Variants in ZMAT5 observed in about 807,000 individuals in gnomAD.
ZMAT5 encodes zinc finger matrin-type protein 5.
A neutral mutation model predicts 28.0 loss-of-function variants in ZMAT5; 23 were observed. The observed-to-expected ratio is 0.82, with a 90% confidence interval of 0.59 to 1.16. The LOEUF is 1.16. Among genes scored for constraint, ZMAT5 ranks in the 50% most tolerant of loss-of-function variants. The probability of loss-of-function intolerance (pLI) is 0.00; values close to 1 mark genes in which losing one functional copy is unlikely to be tolerated. For synonymous variants in ZMAT5, 76 were observed against 84.1 expected, an observed-to-expected ratio of 0.90 and a Z score of 0.52; for missense variants, 173 against 212.7, an observed-to-expected ratio of 0.81 and a Z score of 1.16.
rs1472432465 is a variant in ZMAT5 at position 29,759,883 on chromosome 22, T to C, written c.-28+6989A>G. 4.0e-5 allele frequency among the ~76,000 whole-genome samples: 6 copies of C among 151,792 alleles called. No individual in the cohort carries two copies. The East Asian group carries it at 9.7e-4, about 25-fold the overall frequency. On this transcript the variant is annotated intron_variant, in intron 1 of 5. Coordinates refer to ENST00000344318, the MANE Select transcript of ZMAT5 (RefSeq NM_001003692.2). ...GAGTTGAAGACCAGCCTGGCCAACA[T>C]GGTGAAACCCTGTCTCTACTAAAAA... is the stretch of plus-strand genomic sequence containing the variant.
chr22:29,732,365 G>C (rs915933027), intron 5 of ZMAT5, among the ~76,000 whole-genome samples: 1 of 152,178 alleles, frequency 6.6e-6, no homozygotes, highest in Admixed American at 6.5e-5. Flanking sequence ...CAGGGTTGTG[G>C]GCAGCCATTG....
At chr22:29,766,619 T>G (rs2068215209) in intron 1 of ZMAT5, among the ~76,000 whole-genome samples, 2 of 152,196 alleles carry the variant, frequency 1.3e-5, no homozygotes, top group South Asian at 4.1e-4. Flanking sequence ...AAACCAGGGT[T>G]GCCCGGTGCG....
chr22:29,735,588 G>A (rs1441794886), intron 5 of ZMAT5, among the ~76,000 whole-genome samples: 2 of 152,378 alleles, frequency 1.3e-5, no homozygotes, highest in East Asian at 3.9e-4. Context: ...TCTAGACACA[G>A]AGCAGGGACC....
At chr22:29,738,116 G>A (rs1175036519) in intron 5 of ZMAT5, among the ~76,000 whole-genome samples, 1 of 152,122 alleles carries the variant, frequency 6.6e-6, no homozygotes, top group Non-Finnish European at 1.5e-5. Flanking sequence ...ACTCCAACAG[G>A]GGCCCAGCTT....
intron 5 of ZMAT5, among the ~76,000 whole-genome samples, chr22:29,732,793 G>C (rs1414787987): frequency 6.7e-6 from 1 of 149,712 alleles, no homozygotes; most frequent in African/African-American, 2.5e-5. Context: ...CCACAGCAGA[G>C]AGTGCCATGC....
chr22:29,755,570 C>T (rs1282816762), intron 1 of ZMAT5, among the ~76,000 whole-genome samples: 2 of 151,938 alleles, frequency 1.3e-5, no homozygotes, highest in Non-Finnish European at 2.9e-5. Context: ...GCTTTCATTC[C>T]CTTATTTAAT....
At chr22:29,759,597 T>C (rs1017220246) in intron 1 of ZMAT5, among the ~76,000 whole-genome samples, 4 of 152,066 alleles carry the variant, frequency 2.6e-5, no homozygotes, top group African/African-American at 9.7e-5. Flanking sequence ...AGACCCCGTC[T>C]CTAAAAAAAA....
chr22:29,759,495 G>A (rs2068134918), intron 1 of ZMAT5, among the ~76,000 whole-genome samples: 1 of 152,128 alleles, frequency 6.6e-6, no homozygotes, highest in Non-Finnish European at 1.5e-5. Flanking sequence ...TCAGCTAAAT[G>A]CAGTGACTCA....
chr22:29,732,408 A>G (rs2147212453), intron 5 of ZMAT5, among the ~76,000 whole-genome samples: 1 of 152,334 alleles, frequency 6.6e-6, no homozygotes, highest in South Asian at 2.1e-4. Flanking sequence ...CAATGGAAGT[A>G]GCCTTCATGT....
At chr22:29,765,760 C>T (rs2068203328) in intron 1 of ZMAT5, among the ~76,000 whole-genome samples, 1 of 152,046 alleles carries the variant, frequency 6.6e-6, no homozygotes, top group Non-Finnish European at 1.5e-5. Context: ...CCCAGCCACT[C>T]GGGAGGCTGA....
intron 3 of ZMAT5, among the ~76,000 whole-genome samples, chr22:29,741,012 C>A (rs1291323963): frequency 6.6e-6 from 1 of 152,178 alleles, no homozygotes; most frequent in East Asian, 1.9e-4. Flanking sequence ...GCCTCGCAAG[C>A]CTCTGCAGGC....
At position 29,731,236 on chromosome 22, in the gene ZMAT5, G is replaced by C. The variant is rs1157529758; in HGVS notation, c.502C>G (p.Gln168Glu). The C allele has an allele frequency of 6.6e-7, 1 of 1,504,868 alleles. No individual in the cohort carries two copies. Among genetic ancestry groups the C allele is most frequent in the South Asian group, 1.4e-5 (1 of 72,514 alleles). The allele number at this position is 1,504,868 out of a possible 1,614,324, so 93.2% of individuals were successfully genotyped here. Residue 168 changes from glutamine to glutamate, a missense_variant, in exon 6 of 6, where the codon CAG (glutamine) becomes GAG (glutamate). Gln to Glu is a conservative substitution (Grantham distance 29). Coordinates refer to ENST00000344318, the MANE Select transcript of ZMAT5 (RefSeq NM_001003692.2). ...CGGGGGCAAGGGGCTCAGCCCCACT[G>C]GACTCTGGGCTGCAGAGGCCACCCC... is the stretch of plus-strand genomic sequence containing the variant. The part of the protein sequence containing the change: ...PGGWPLQPRV[Q>E]WG
Position 29,759,352 on chromosome 22 carries a change from C to T in ZMAT5, c.-28+7520G>A, listed in dbSNP as rs145318843. 9.4e-3 allele frequency among the ~76,000 whole-genome samples: 1,438 copies of T among 152,296 alleles called. 23 individuals are homozygous for T. Among genetic ancestry groups the T allele is most frequent in the African/African-American group, 0.033 (1,390 of 41,556 alleles). ...CCCAAGAAAGAACTCAGCTCCTCAC[C>T]TCTGGACTCCTCACATCTGGACAGC... On this transcript the variant is annotated intron_variant, in intron 1 of 5. Coordinates refer to ENST00000344318, the MANE Select transcript of ZMAT5 (RefSeq NM_001003692.2).
rs755444085 is a variant in ZMAT5 at position 29,731,277 on chromosome 22, C to T, written c.461G>A (p.Arg154Gln). Residue 154 changes from arginine (R) to glutamine (Q), a missense_variant, in exon 6 of 6, where the codon CGG becomes CAG. Coordinates refer to ENST00000344318, the MANE Select transcript of ZMAT5 (RefSeq NM_001003692.2). Reference protein sequence around the residue: ...PPVQELPPSLRAPPPGGWPLQ... With the variant: ...PPVQELPPSLQAPPPGGWPLQ... ...AGGCCACCCCCCAGGTGGGGGTGCCCGCAGGGATGGAGGCAGCTCCTGAAC... is the reference window on the plus strand; with the variant it reads ...AGGCCACCCCCCAGGTGGGGGTGCCTGCAGGGATGGAGGCAGCTCCTGAAC... The T allele has an allele frequency of 1.2e-5, 18 of 1,519,902 alleles. 1 individual carries two copies. The highest frequency in any genetic ancestry group is 8.0e-5 in the South Asian group (6 of 74,620). 94.2% of individuals were successfully genotyped at this position (1,519,902 alleles called of 1,614,324 possible). A position where few individuals can be genotyped will look rare whatever the true frequency, so the allele number is the denominator to read the frequency against.
rs535227076 is a variant in ZMAT5, at chr22:29,742,725, C to G, written c.128-245G>C. Reference sequence around the variant, plus strand: ...CGCAGGACGGGCCAAAGACAAGGACCAAGTTTCATGCCAGCAGTTCTCAAC... The same window carrying G: ...CGCAGGACGGGCCAAAGACAAGGACGAAGTTTCATGCCAGCAGTTCTCAAC... On this transcript the variant is annotated intron_variant, in intron 2 of 5. Transcript: ENST00000344318. Among the ~76,000 whole-genome samples, 12 of 152,268 alleles carry G rather than the reference C, an allele frequency of 7.9e-5. No individual in the cohort carries two copies. In the East Asian group the frequency reaches 2.3e-3, roughly 29 times the overall value.
chr22:29,749,821 T>C (rs1477320010), intron 1 of ZMAT5, among the ~76,000 whole-genome samples: 1 of 152,178 alleles, frequency 6.6e-6, no homozygotes, highest in Non-Finnish European at 1.5e-5. Flanking sequence ...AAGGGGCTCT[T>C]CGTGCTTTGC....
chr22:29,748,554 G>A lies in ZMAT5; in HGVS notation c.-10C>T, dbSNP rs762057526. Reference sequence around the variant, plus strand: ...AGTATCGCTTCCCCATGGCCACTCAGAGCAGGTGCTTTGCTGCCTGGGAAG... The same window carrying A: ...AGTATCGCTTCCCCATGGCCACTCAAAGCAGGTGCTTTGCTGCCTGGGAAG... On this transcript the variant is annotated 5_prime_UTR_variant, in exon 2 of 6. Transcript: ENST00000344318. 6.2e-7 allele frequency: 1 copy of A among 1,614,078 alleles called. No homozygotes were observed. The highest frequency in any genetic ancestry group is 2.2e-5 in the East Asian group (1 of 44,874).
intron 1 of ZMAT5, among the ~76,000 whole-genome samples, chr22:29,756,667 G>C (rs1203187599): frequency 1.3e-5 from 2 of 152,176 alleles, no homozygotes; most frequent in Non-Finnish European, 2.9e-5. Flanking sequence ...CCAGCACTTT[G>C]GGAGGCCAAG....
chr22:29,752,836 C>T lies in ZMAT5; in HGVS notation c.-27-4265G>A, dbSNP rs181018292. 1.2e-3 allele frequency among the ~76,000 whole-genome samples: 182 copies of T among 152,344 alleles called. 1 individual carries two copies. Among genetic ancestry groups the T allele is most frequent in the African/African-American group, 3.9e-3 (163 of 41,596 alleles). Reference sequence around the variant, plus strand: ...GGGATTACAGTCGAGAGCCACCGCACCAAGCCGGCAATGCTTTCTATCTAC... The same window carrying T: ...GGGATTACAGTCGAGAGCCACCGCATCAAGCCGGCAATGCTTTCTATCTAC... On this transcript the variant is annotated intron_variant, in intron 1 of 5. Coordinates refer to ENST00000344318, the MANE Select transcript of ZMAT5 (RefSeq NM_001003692.2).
Sources: gnomAD v4.1 joint callset for allele counts (sites outside exome capture counted in the v4.1 genomes callset) on GRCh38, gnomAD v4.1.1 for gene constraint, MANE v1.5 for transcripts, NCBI Gene and HGNC (gene_info 2026-07-23, HGNC 2026-07-21) for gene names.